THRAP3: variants seen among roughly 807,000 people sequenced by gnomAD.
THRAP3 encodes thyroid hormone receptor-associated protein 3.
Under a neutral mutation model 101.0 loss-of-function variants are expected in THRAP3, and 16 were observed. The ratio of observed to expected loss-of-function variants is 0.16; its 90% CI spans 0.11 to 0.24. THRAP3 has a LOEUF of 0.24. THRAP3 is among the 10% of genes least tolerant of loss of function. The probability of loss-of-function intolerance (pLI) is 1.00; values close to 1 mark genes in which losing one functional copy is unlikely to be tolerated. For synonymous variants in THRAP3, 407 were observed against 422.6 expected (o/e 0.96, Z 0.45); for missense variants, 989 against 1,202.7 (o/e 0.82, Z 2.63).
At chr1:36,298,342 C>T (rs1186969996) in intron 9 of THRAP3, among the ~76,000 whole-genome samples, 2 of 152,094 alleles carry the variant, frequency 1.3e-5, no homozygotes, top group Admixed American at 6.6e-5. Context: ...TGGGCCGCCA[C>T]TTAGAAGTGG....
At chr1:36,265,151 A>G (rs772832098) in intron 2 of THRAP3, among the ~76,000 whole-genome samples, 2 of 152,228 alleles carry the variant, frequency 1.3e-5, no homozygotes, top group East Asian at 1.9e-4. Flanking sequence ...AACAGTTCCT[A>G]TGTACCCCAT....
At chr1:36,244,937 G>A (rs918783780) in intron 1 of THRAP3, among the ~76,000 whole-genome samples, 1 of 151,878 alleles carries the variant, frequency 6.6e-6, no homozygotes, top group Non-Finnish European at 1.5e-5. Context: ...GGCCAGGATG[G>A]TCTCAAACTC....
At position 36,243,897 on chromosome 1, in the gene THRAP3, A is replaced by G. The variant is rs866073883; in HGVS notation, c.-134-15485A>G. ...GGGCTGACCCCCCCACCTCCCTCCC[A>G]GACGGGGCGGCTGGCCGGGCGGGGG... On this transcript the variant is annotated intron_variant, in intron 1 of 11. Coordinates refer to ENST00000354618, the MANE Select transcript of THRAP3 (RefSeq NM_005119.4). Among the ~76,000 whole-genome samples, 166 of 128,990 alleles carry G rather than the reference A, an allele frequency of 1.3e-3. 3 individuals carry two copies. The highest frequency in any genetic ancestry group is 2.0e-3 in the Non-Finnish European group (119 of 58,302). 84.6% of individuals were successfully genotyped at this position (128,990 alleles called of 152,430 possible). A position where few individuals can be genotyped will look rare whatever the true frequency, so the allele number is the denominator to read the frequency against.
chr1:36,250,476 T>C (rs536591267), intron 1 of THRAP3, among the ~76,000 whole-genome samples: 221 of 152,216 alleles, frequency 1.5e-3, no homozygotes, highest in Non-Finnish European at 2.7e-3. Flanking sequence ...TCTCCCAAAG[T>C]TCTGGGATTA....
At chr1:36,237,786 CA>C (rs908423181) in intron 1 of THRAP3, among the ~76,000 whole-genome samples, 11 of 149,070 alleles carry the variant, frequency 7.4e-5, no homozygotes, top group Non-Finnish European at 1.5e-4. Context: ...AACAAACAAA[CA>C]AAAAAAAACA....
At chr1:36,278,292 C>T (rs1486768096) in intron 2 of THRAP3, among the ~76,000 whole-genome samples, 2 of 152,146 alleles carry the variant, frequency 1.3e-5, no homozygotes, top group African/African-American at 4.8e-5. Flanking sequence ...TCTCAAACTG[C>T]TGACCCCAGG....
At chr1:36,277,528 C>G (rs1332851523) in intron 2 of THRAP3, among the ~76,000 whole-genome samples, 1 of 148,440 alleles carries the variant, frequency 6.7e-6, no homozygotes, top group Admixed American at 6.7e-5. Flanking sequence ...ATTTTGGAGA[C>G]AGATAACGTG....
rs1190562704 is a variant in THRAP3, at chr1:36,266,019, T to C, written c.-32+6535T>C. Reference sequence around the variant, plus strand: ...AAATACAAAGATTAGCCAGGCATGGTGACATGCACCTGTAATCCCAGCTAC... The same window carrying C: ...AAATACAAAGATTAGCCAGGCATGGCGACATGCACCTGTAATCCCAGCTAC... On this transcript the variant is annotated intron_variant, in intron 2 of 11. Coordinates refer to ENST00000354618, the MANE Select transcript of THRAP3 (RefSeq NM_005119.4). Among the ~76,000 whole-genome samples the C allele has an allele frequency of 5.9e-5, 9 of 151,930 alleles. No individual in the cohort carries two copies. The East Asian group carries it at 9.7e-4, about 16-fold the overall frequency.
chr1:36,243,150 T>C lies in THRAP3; in HGVS notation c.-134-16232T>C, dbSNP rs140580705. ...ATAAGATGCATTTTGTGAGGAACTT[T>C]CTTTTTTTTTTTTTTTTTTTTTTGC... On this transcript the variant is annotated intron_variant, in intron 1 of 11. Transcript: ENST00000354618. 2.0e-3 allele frequency among the ~76,000 whole-genome samples: 281 copies of C among 139,662 alleles called. 1 individual carries two copies. Among genetic ancestry groups the C allele is most frequent in the African/African-American group, 7.6e-3 (271 of 35,456 alleles). The allele number at this position is 139,662 out of a possible 152,430, so 91.6% of individuals were successfully genotyped here. A position where few individuals can be genotyped will look rare whatever the true frequency, so the allele number is the denominator to read the frequency against.
At chr1:36,285,315 TG>T (rs571956264) in intron 3 of THRAP3, among the ~76,000 whole-genome samples, 204 of 152,294 alleles carry the variant, frequency 1.3e-3, no homozygotes, top group Admixed American at 1.9e-3. Context: ...TTAGGAGTAG[TG>T]GTTAATGTCA....
intron 4 of THRAP3, chr1:36,288,829 A>T: frequency 1.0e-6 from 1 of 985,376 alleles, no homozygotes; most frequent in South Asian, 4.7e-5. Context: ...CTTTTGTAAG[A>T]CACAACTCCA....
At chr1:36,220,968 A>T (rs1274913741), upstream of THRAP3, among the ~76,000 whole-genome samples, 319 of 132,878 alleles carry the variant, frequency 2.4e-3, no homozygotes, top group African/African-American at 9.5e-3. Flanking sequence ...AAAAAAAAAA[A>T]AAAAATATAT....
At chr1:36,247,793 A>G (rs74367315) in intron 1 of THRAP3, among the ~76,000 whole-genome samples, 1,871 of 151,460 alleles carry the variant, frequency 0.012, 38 homozygotes, top group African/African-American at 0.042. Context: ...ATTATTATTT[A>G]CTGCACTTAC....
At chr1:36,211,613 G>A in the THRAP3 span, among the ~76,000 whole-genome samples, 3 of 152,152 alleles carry the variant, frequency 2.0e-5, no homozygotes, top group African/African-American at 7.2e-5. Context: ...CTAGACTAGG[G>A]TATTCCTGAG....
intron 1 of THRAP3, among the ~76,000 whole-genome samples, chr1:36,257,863 C>CA: frequency 6.6e-6 from 1 of 152,152 alleles, no homozygotes; most frequent in Non-Finnish European, 1.5e-5. Flanking sequence ...TGTTTTGAGA[C>CA]AGAGTCTCGC....
intron 2 of THRAP3, among the ~76,000 whole-genome samples, chr1:36,266,683 C>A (rs1002668465): frequency 6.6e-6 from 1 of 152,090 alleles, no homozygotes; most frequent in Non-Finnish European, 1.5e-5. Flanking sequence ...TGCTCTGGAA[C>A]CTCTCATTTC....
the THRAP3 span, among the ~76,000 whole-genome samples, chr1:36,213,962 G>GAAA: frequency 2.9e-5 from 2 of 69,580 alleles, no homozygotes; most frequent in South Asian, 4.7e-4. Context: ...AAAGAAAGAA[G>GAAA]GAAAGAGAAA....
At chr1:36,268,779 G>C (rs1314582053) in intron 2 of THRAP3, among the ~76,000 whole-genome samples, 2 of 151,028 alleles carry the variant, frequency 1.3e-5, no homozygotes, top group Non-Finnish European at 2.9e-5. Context: ...AGGCTGGAGT[G>C]CAGTGGCACA....
At chr1:36,252,125 T>TTTTA (rs1294931674) in intron 1 of THRAP3, among the ~76,000 whole-genome samples, 1 of 152,296 alleles carries the variant, frequency 6.6e-6, no homozygotes, top group African/African-American at 2.4e-5. Flanking sequence ...TTATTTTTAT[T>TTTTA]TTTATTTATT....
Sources: gnomAD v4.1 joint callset for allele counts (sites outside exome capture counted in the v4.1 genomes callset) on GRCh38, gnomAD v4.1.1 for gene constraint, MANE v1.5 for transcripts, NCBI Gene and HGNC (gene_info 2026-07-23, HGNC 2026-07-21) for gene names.